The following C1orf141 variants were observed in gnomAD, a reference collection of about 807,000 sequenced individuals.
C1orf141 encodes the protein chromosome 1 open reading frame 141.
C1orf141 carries 19 observed loss-of-function variants against 23.2 expected under a neutral mutation model. The ratio of observed to expected loss-of-function variants is 0.82; its 90% CI spans 0.57 to 1.20. The LOEUF is 1.20. Among genes scored for constraint, C1orf141 ranks in the 50% most tolerant of loss-of-function variants. The pLI is 0.00. For synonymous variants in C1orf141, 153 were observed against 154.6 expected, an observed-to-expected ratio of 0.99 and a Z score of 0.08; for missense variants, 469 against 455.1, an observed-to-expected ratio of 1.03 and a Z score of -0.28.
At chr1:67,108,264 G>T (rs1298877673) in intron 5 of C1orf141, among the ~76,000 whole-genome samples, 1 of 152,144 alleles carries the variant, frequency 6.6e-6, no homozygotes, top group Non-Finnish European at 1.5e-5. Context: ...TTTAGTAAGG[G>T]CTCGCTCTCG....
intron 4 of C1orf141, among the ~76,000 whole-genome samples, chr1:67,125,210 T>G (rs1646381782): frequency 6.6e-6 from 1 of 152,184 alleles, no homozygotes; most frequent in Non-Finnish European, 1.5e-5. Flanking sequence ...AAGAAAAGCC[T>G]TCCTTTAAAA....
upstream of C1orf141, among the ~76,000 whole-genome samples, chr1:67,139,863 T>G (rs1646619506): frequency 6.6e-6 from 1 of 152,168 alleles, no homozygotes; most frequent in South Asian, 2.1e-4. Flanking sequence ...TAAAAGGTTC[T>G]TGGGTCATAA....
At chr1:67,127,572 A>G (rs1408222737) in intron 2 of C1orf141, among the ~76,000 whole-genome samples, 4 of 152,144 alleles carry the variant, frequency 2.6e-5, no homozygotes, top group African/African-American at 9.7e-5. Flanking sequence ...GGCTTGACTT[A>G]TATCTATTTT....
chr1:67,127,344 C>T (rs1199838518), intron 2 of C1orf141, 87 bp from the exon 3 acceptor site: 2 of 721,956 alleles, frequency 2.8e-6, no homozygotes, highest in African/African-American at 3.5e-5. Context: ...CTCACTTTTA[C>T]ATTACTGTTT....
At chr1:67,115,547 G>T in intron 4 of C1orf141, 83 bp from the exon 5 acceptor site, 1 of 600,012 alleles carries the variant, frequency 1.7e-6, no homozygotes. Flanking sequence ...GGAGGAATGT[G>T]AAGTCCTAGT....
At chr1:67,097,721 T>C (rs891115511) in intron 5 of C1orf141, among the ~76,000 whole-genome samples, 11 of 146,846 alleles carry the variant, frequency 7.5e-5, no homozygotes, top group Admixed American at 6.3e-4. Flanking sequence ...GAAGGGGGAA[T>C]GTGGGTGGCA....
At chr1:67,138,611 A>T (rs1570746661), upstream of C1orf141, among the ~76,000 whole-genome samples, 1 of 152,186 alleles carries the variant, frequency 6.6e-6, no homozygotes, top group Non-Finnish European at 1.5e-5. Flanking sequence ...TGCAGCATAG[A>T]ATATAGAACT....
chr1:67,096,099 T>C (rs1417505939), intron 6 of C1orf141, 153 bp downstream of exon 6: 1 of 475,318 alleles, frequency 2.1e-6, no homozygotes, highest in Non-Finnish European at 3.8e-6. Context: ...GGATGTGATA[T>C]CTAGTGGCTA....
chr1:67,093,062 A>G lies in C1orf141; in HGVS notation c.1146T>C (p.Asn382=), dbSNP rs1233715391. 2.5e-6 allele frequency: 4 copies of G among 1,602,938 alleles called. No homozygotes were observed. The South Asian group carries it at 4.4e-5, about 18-fold the overall frequency. ...KPFKYIYELN[N]VTPLDNLLNL... ...TTAACAAATTATCCAGTGGCGTTACATTATTTAGTTCATATATATATTTAA... is the reference window on the plus strand; with the variant it reads ...TTAACAAATTATCCAGTGGCGTTACGTTATTTAGTTCATATATATATTTAA... Residue 382 remains asparagine (N), a synonymous_variant, in exon 8 of 8, where the codon AAT becomes AAC. Coordinates refer to ENST00000684719, the MANE Select transcript of C1orf141 (RefSeq NM_001276351.2).
chr1:67,134,040 T>C (rs1213675133), intron 1 of C1orf141, among the ~76,000 whole-genome samples: 1 of 152,190 alleles, frequency 6.6e-6, no homozygotes, highest in Non-Finnish European at 1.5e-5. Flanking sequence ...ACTGATTCTG[T>C]CACCCAGGCT....
upstream of C1orf141, among the ~76,000 whole-genome samples, chr1:67,137,401 C>T (rs1450042606): frequency 6.6e-6 from 1 of 152,144 alleles, no homozygotes; most frequent in African/African-American, 2.4e-5. Context: ...TGTTGAATGA[C>T]AATGCACACA....
chr1:67,135,055 C>T (rs902279514), upstream of C1orf141: 4 of 151,918 alleles, frequency 2.6e-5, no homozygotes, highest in Non-Finnish European at 5.9e-5. Flanking sequence ...CTCTGAAAGG[C>T]CTAGAGAGCA....
At chr1:67,136,321 G>C (rs1646585008), upstream of C1orf141, among the ~76,000 whole-genome samples, 2 of 152,142 alleles carry the variant, frequency 1.3e-5, no homozygotes, top group Admixed American at 6.6e-5. Flanking sequence ...GATTACAGAT[G>C]TGAGTAGCCA....
At chr1:67,107,748 G>A (rs145201703) in intron 5 of C1orf141, among the ~76,000 whole-genome samples, 7,038 of 152,222 alleles carry the variant, frequency 0.046, 184 homozygotes, top group African/African-American at 0.063. Flanking sequence ...CAATTAGCCG[G>A]GCGTGGTGGC....
At position 67,093,610 on chromosome 1, in the gene C1orf141, G is replaced by T; in HGVS notation, c.604-6C>A. 1 of 1,523,664 alleles carries T rather than the reference G, an allele frequency of 6.6e-7. No homozygotes were observed. The highest frequency in any genetic ancestry group is 1.3e-5 in the South Asian group (1 of 75,208). 94.4% of individuals were successfully genotyped at this position (1,523,664 alleles called of 1,614,324 possible). A position where few individuals can be genotyped will look rare whatever the true frequency, so the allele number is the denominator to read the frequency against. On this transcript the variant is annotated splice_region_variant and splice_polypyrimidine_tract_variant and intron_variant, in intron 7 of 7. Coordinates refer to ENST00000684719, the MANE Select transcript of C1orf141 (RefSeq NM_001276351.2). ...GGATTTGTGTCCTTTTGTTCCTGTAGATTAAAGAAAAGAATAATTAGTCAT... is the reference window on the plus strand; with the variant it reads ...GGATTTGTGTCCTTTTGTTCCTGTATATTAAAGAAAAGAATAATTAGTCAT...
chr1:67,103,213 C>G, intron 5 of C1orf141: 1 of 1,312,884 alleles, frequency 7.6e-7, no homozygotes, highest in Non-Finnish European at 1.0e-6. Context: ...TCAGTTATTT[C>G]AATGTAAACA....
At chr1:67,114,381 A>G (rs1281954838) in intron 5 of C1orf141, among the ~76,000 whole-genome samples, 1 of 152,196 alleles carries the variant, frequency 6.6e-6, no homozygotes, top group Non-Finnish European at 1.5e-5. Context: ...CGTCCAGCAC[A>G]CATTCAAAGA....
At chr1:67,119,134 G>T (rs1037177627) in intron 4 of C1orf141, among the ~76,000 whole-genome samples, 2 of 152,152 alleles carry the variant, frequency 1.3e-5, no homozygotes, top group African/African-American at 4.8e-5. Flanking sequence ...TGACTTTGGT[G>T]AGGGCTTAAA....
chr1:67,115,823 A>G (rs1646183113), intron 4 of C1orf141, among the ~76,000 whole-genome samples: 1 of 152,234 alleles, frequency 6.6e-6, no homozygotes, highest in Non-Finnish European at 1.5e-5. Context: ...ACATAGAGTT[A>G]GGGAATTCAG....
Sources: gnomAD v4.1 joint callset for allele counts (sites outside exome capture counted in the v4.1 genomes callset) on GRCh38, gnomAD v4.1.1 for gene constraint, MANE v1.5 for transcripts, NCBI Gene and HGNC (gene_info 2026-07-23, HGNC 2026-07-21) for gene names.